Variants in IMMP1L observed in about 807,000 individuals in gnomAD.
IMMP1L encodes the protein inner mitochondrial membrane peptidase subunit 1.
In IMMP1L, 24 loss-of-function variants were observed where a neutral mutation model predicts 21.8. That is an observed-to-expected ratio of 1.10 (90% CI 0.80 to 1.55). The LOEUF (loss-of-function observed/expected upper bound fraction) is 1.55, where lower values mean the gene tolerates loss of function less well. Among genes scored for constraint, IMMP1L ranks in the 40% most tolerant of loss-of-function variants. The pLI is 0.00. For synonymous variants in IMMP1L, 46 were observed against 62.8 expected (o/e 0.73, Z 1.26); for missense variants, 195 against 200.7 (o/e 0.97, Z 0.17).
At chr11:31,493,346 G>T (rs1357286899) in intron 1 of IMMP1L, among the ~76,000 whole-genome samples, 2 of 152,090 alleles carry the variant, frequency 1.3e-5, no homozygotes, top group Non-Finnish European at 2.9e-5. Flanking sequence ...AGAGGGGAAA[G>T]CCCCTTATGA....
intron 1 of IMMP1L, among the ~76,000 whole-genome samples, chr11:31,468,046 T>C (rs1163237152): frequency 3.3e-5 from 5 of 151,794 alleles, no homozygotes; most frequent in Non-Finnish European, 7.4e-5. Flanking sequence ...ATAAATTTAA[T>C]GAAAGGAAAA....
intron 1 of IMMP1L, among the ~76,000 whole-genome samples, chr11:31,506,968 C>A (rs908970358): frequency 9.5e-5 from 14 of 147,832 alleles, no homozygotes; most frequent in Admixed American, 7.5e-4. Context: ...AAAAAGAAAA[C>A]AAAAAACAAA....
intron 1 of IMMP1L, among the ~76,000 whole-genome samples, chr11:31,507,105 C>G (rs1955801798): frequency 6.6e-6 from 1 of 151,964 alleles, no homozygotes; most frequent in Admixed American, 6.6e-5. Context: ...CGGTGAAACC[C>G]CATCTCTACT....
At chr11:31,464,203 C>G (rs1301669665) in intron 1 of IMMP1L, among the ~76,000 whole-genome samples, 2 of 151,704 alleles carry the variant, frequency 1.3e-5, no homozygotes, top group Non-Finnish European at 2.9e-5. Flanking sequence ...GATATTATTA[C>G]CATCCTCAAT....
At chr11:31,498,986 T>C (rs2133818465) in intron 1 of IMMP1L, among the ~76,000 whole-genome samples, 1 of 152,352 alleles carries the variant, frequency 6.6e-6, no homozygotes, top group African/African-American at 2.4e-5. Flanking sequence ...ATTTCAGTTT[T>C]ACCATGTGTC....
chr11:31,487,720 A>G (rs1955130820), intron 1 of IMMP1L, among the ~76,000 whole-genome samples: 1 of 152,170 alleles, frequency 6.6e-6, no homozygotes, highest in Admixed American at 6.5e-5. Context: ...ACTAACTTAC[A>G]TTACAAAAAA....
chr11:31,451,625 C>T (rs1277485864), intron 4 of IMMP1L, among the ~76,000 whole-genome samples: 1 of 152,012 alleles, frequency 6.6e-6, no homozygotes, highest in Admixed American at 6.6e-5. Context: ...AGGATTTTAG[C>T]TTTGGATACA....
At chr11:31,446,751 C>A (rs182364894) in intron 4 of IMMP1L, among the ~76,000 whole-genome samples, 185 of 152,284 alleles carry the variant, frequency 1.2e-3, no homozygotes, top group Non-Finnish European at 8.7e-4. Context: ...CTTTCCCATT[C>A]TGGAAAAATC....
intron 4 of IMMP1L, among the ~76,000 whole-genome samples, chr11:31,434,861 C>G (rs1953067916): frequency 6.6e-6 from 1 of 152,102 alleles, no homozygotes; most frequent in South Asian, 2.1e-4. Flanking sequence ...TGTCCAAGGG[C>G]CAATAGCAAG....
At chr11:31,463,341 C>T in intron 1 of IMMP1L, 36 bp from the exon 2 acceptor site, 1 of 1,529,200 alleles carries the variant, frequency 6.5e-7, no homozygotes, top group Non-Finnish European at 8.7e-7. Context: ...ATGATCAATA[C>T]TATTTAAAAA....
intron 1 of IMMP1L, among the ~76,000 whole-genome samples, chr11:31,507,763 C>T (rs1456885521): frequency 6.6e-6 from 1 of 152,008 alleles, no homozygotes; most frequent in East Asian, 1.9e-4. Flanking sequence ...GAATTTATAG[C>T]AAGCTGACTA....
At chr11:31,493,920 T>C (rs921568756) in intron 1 of IMMP1L, among the ~76,000 whole-genome samples, 11 of 152,346 alleles carry the variant, frequency 7.2e-5, no homozygotes, top group Middle Eastern at 3.4e-3. Flanking sequence ...CCCATGGCCT[T>C]GGGCAACTCC....
At chr11:31,458,112 CTT>C (rs895997025) in intron 3 of IMMP1L, among the ~76,000 whole-genome samples, 2 of 152,154 alleles carry the variant, frequency 1.3e-5, no homozygotes, top group African/African-American at 4.8e-5. Context: ...TTAAAACAAA[CTT>C]TGCACTCGAA....
Position 31,456,369 on chromosome 11 carries a change from G to A in IMMP1L, c.212C>T (p.Ala71Val). ...TGATTTTGGATCACTTGGGCTTTTTGCAATCACAATGTCACCTCTGAGGGG... is the reference window on the plus strand; with the variant it reads ...TGATTTTGGATCACTTGGGCTTTTTACAATCACAATGTCACCTCTGAGGGG... Reference protein sequence around the residue: ...YGIQRGDIVIAKSPSDPKSNI... With the variant: ...YGIQRGDIVIVKSPSDPKSNI... Residue 71 changes from alanine to valine, a missense_variant, in exon 4 of 6, where the codon GCA becomes GTA. Transcript: ENST00000532287. 2 of 1,610,964 alleles carry A rather than the reference G, an allele frequency of 1.2e-6. No homozygotes were observed. Among genetic ancestry groups the A allele is most frequent in the Non-Finnish European group, 1.7e-6 (2 of 1,177,990 alleles).
chr11:31,473,514 T>A (rs981435145), intron 1 of IMMP1L, among the ~76,000 whole-genome samples: 2 of 152,040 alleles, frequency 1.3e-5, no homozygotes, highest in African/African-American at 2.4e-5. Flanking sequence ...AATGAAAAAA[T>A]TTTTGGATAC....
chr11:31,445,551 G>A (rs1211939428), intron 4 of IMMP1L, among the ~76,000 whole-genome samples: 1 of 152,154 alleles, frequency 6.6e-6, no homozygotes, highest in Non-Finnish European at 1.5e-5. Context: ...TGTACTTGAT[G>A]TTACTGATGC....
At chr11:31,471,218 T>C (rs1326047909) in intron 1 of IMMP1L, among the ~76,000 whole-genome samples, 5 of 152,210 alleles carry the variant, frequency 3.3e-5, no homozygotes, top group African/African-American at 9.6e-5. Flanking sequence ...AATCATACTG[T>C]ACCATAACTG....
intron 4 of IMMP1L, among the ~76,000 whole-genome samples, chr11:31,440,156 C>A (rs1425002173): frequency 1.3e-5 from 2 of 152,172 alleles, no homozygotes; most frequent in African/African-American, 4.8e-5. Flanking sequence ...GCTTGACTTT[C>A]CCTCCTTGTA....
chr11:31,502,765 A>G (rs778732038), intron 1 of IMMP1L, among the ~76,000 whole-genome samples: 10 of 152,264 alleles, frequency 6.6e-5, no homozygotes, highest in East Asian at 1.9e-4. Context: ...TGTTGGCTAC[A>G]TGCAAATATG....
Sources: gnomAD v4.1 joint callset for allele counts (sites outside exome capture counted in the v4.1 genomes callset) on GRCh38, gnomAD v4.1.1 for gene constraint, MANE v1.5 for transcripts, NCBI Gene and HGNC (gene_info 2026-07-23, HGNC 2026-07-21) for gene names.